SKIC3: variants seen among roughly 807,000 people sequenced by gnomAD.
SKIC3 encodes the protein superkiller complex protein 3.
the SKIC3 span, among the ~76,000 whole-genome samples, chr5:95,471,396 C>G: frequency 6.6e-6 from 1 of 152,158 alleles, no homozygotes; most frequent in Non-Finnish European, 1.5e-5. Flanking sequence ...GAATGCACTT[C>G]TGTTTTCTTT....
At chr5:95,548,478 T>G in the SKIC3 span, 1 of 152,038 alleles carries the variant, frequency 6.6e-6, no homozygotes. Flanking sequence ...AATAGGCAGA[T>G]AAGTAACTTT....
the SKIC3 span, chr5:95,468,135 G>T: frequency 6.8e-6 from 7 of 1,033,180 alleles, no homozygotes; most frequent in South Asian, 1.0e-4. Flanking sequence ...TAACAATAAA[G>T]GTAATAATGG....
chr5:95,483,415 A>G, the SKIC3 span, among the ~76,000 whole-genome samples: 1 of 152,194 alleles, frequency 6.6e-6, no homozygotes, highest in East Asian at 1.9e-4. Context: ...ACCGACAAGG[A>G]AAGGTTCATT....
chr5:95,498,433 G>T, the SKIC3 span: 1 of 1,614,096 alleles, frequency 6.2e-7, no homozygotes, highest in Non-Finnish European at 8.5e-7. Flanking sequence ...TGCATAAATC[G>T]CTGATGTAAG....
the SKIC3 span, among the ~76,000 whole-genome samples, chr5:95,514,461 A>T: frequency 2.6e-5 from 4 of 152,196 alleles, no homozygotes; most frequent in Non-Finnish European, 5.9e-5. Context: ...AATATTCAAA[A>T]TGATCTTTGT....
the SKIC3 span, among the ~76,000 whole-genome samples, chr5:95,491,864 T>C: frequency 6.6e-6 from 1 of 152,218 alleles, no homozygotes; most frequent in Non-Finnish European, 1.5e-5. Context: ...TGAATGCTTT[T>C]AATATCTCAC....
the SKIC3 span, among the ~76,000 whole-genome samples, chr5:95,484,513 A>AT: frequency 6.6e-6 from 1 of 151,708 alleles, no homozygotes; most frequent in African/African-American, 2.4e-5. Context: ...GGACCGGTTA[A>AT]TTTTTTAATT....
chr5:95,492,589 A>G, the SKIC3 span, among the ~76,000 whole-genome samples: 2 of 106,898 alleles, frequency 1.9e-5, no homozygotes, highest in Non-Finnish European at 3.7e-5. Context: ...GTGAGCCGAG[A>G]TCCCGCCACT....
At chr5:95,470,408 G>A in the SKIC3 span, among the ~76,000 whole-genome samples, 1 of 152,176 alleles carries the variant, frequency 6.6e-6, no homozygotes, top group Admixed American at 6.5e-5. Context: ...GGTAGACTGG[G>A]ATAAAGGAGG....
At chr5:95,481,962 T>C in the SKIC3 span, among the ~76,000 whole-genome samples, 4 of 152,198 alleles carry the variant, frequency 2.6e-5, no homozygotes, top group African/African-American at 9.6e-5. Context: ...TATTTTAATA[T>C]CAATAAGAAC....
the SKIC3 span, chr5:95,541,745 C>T: frequency 9.0e-7 from 1 of 1,115,766 alleles, no homozygotes; most frequent in Non-Finnish European, 1.3e-6. Context: ...AATACTTCTA[C>T]ATGATTTTTA....
chr5:95,464,026 G>C, the SKIC3 span: 2 of 152,178 alleles, frequency 1.3e-5, no homozygotes. Context: ...CTGAGTGTTT[G>C]GAATTATATA....
chr5:95,547,051 T>C, the SKIC3 span: 1 of 1,610,620 alleles, frequency 6.2e-7, no homozygotes, highest in Non-Finnish European at 8.5e-7. Context: ...AAGAAAAAAA[T>C]ACTGGTTACC....
the SKIC3 span, among the ~76,000 whole-genome samples, chr5:95,550,259 T>C: frequency 2.6e-3 from 388 of 152,080 alleles, 1 homozygote; most frequent in African/African-American, 9.0e-3. Context: ...GGACAACATA[T>C]ATAGGTATGA....
chr5:95,532,312 TAA>T, the SKIC3 span, among the ~76,000 whole-genome samples: 9 of 152,150 alleles, frequency 5.9e-5, no homozygotes, highest in Non-Finnish European at 1.0e-4. Context: ...TAAACCTTCC[TAA>T]CATATTTCCT....
the SKIC3 span, among the ~76,000 whole-genome samples, chr5:95,464,922 TG>T: frequency 7.4e-6 from 1 of 135,040 alleles, no homozygotes; most frequent in African/African-American, 3.2e-5. Flanking sequence ...ACATTCTGAT[TG>T]CTTTTTTTTT....
the SKIC3 span, among the ~76,000 whole-genome samples, chr5:95,533,135 TA>T: frequency 2.6e-5 from 4 of 151,872 alleles, no homozygotes; most frequent in Non-Finnish European, 5.9e-5. Context: ...ATAAGATAAA[TA>T]AAAAAGTCAT....
chr5:95,496,264 C>G, the SKIC3 span, among the ~76,000 whole-genome samples: 1 of 152,106 alleles, frequency 6.6e-6, no homozygotes, highest in Non-Finnish European at 1.5e-5. Flanking sequence ...GTAATCCCCC[C>G]TCCTTGGCCT....
chr5:95,515,044 T>C, the SKIC3 span: 1 of 1,002,910 alleles, frequency 1.0e-6, no homozygotes, highest in Non-Finnish European at 1.5e-6. Flanking sequence ...AACATAAAAT[T>C]TCACTGTTTA....
Sources: allele counts gnomAD v4.1 joint callset (sites outside exome capture counted in the v4.1 genomes callset), GRCh38; gene constraint gnomAD v4.1.1; transcripts MANE v1.5; gene names NCBI Gene and HGNC (gene_info 2026-07-23, HGNC 2026-07-21).